Variants in SMAD2 observed in about 807,000 individuals in gnomAD.
The protein encoded by SMAD2 is MAD homolog 2.
In SMAD2, 8 loss-of-function variants were observed where a neutral mutation model predicts 64.4. The ratio of observed to expected loss-of-function variants is 0.12; its 90% CI spans 0.07 to 0.22. The LOEUF (loss-of-function observed/expected upper bound fraction) is 0.22, where lower values mean the gene tolerates loss of function less well. SMAD2 is among the 10% of genes least tolerant of loss of function. SMAD2 has a pLI of 1.00. For synonymous variants in SMAD2, 203 were observed against 195.8 expected (o/e 1.04, Z -0.31); for missense variants, 289 against 561.2 (o/e 0.51, Z 4.90).
intron 2 of SMAD2, among the ~76,000 whole-genome samples, chr18:47,872,421 TACA>T (rs1196518708): frequency 6.6e-6 from 1 of 152,046 alleles, no homozygotes; most frequent in African/African-American, 2.4e-5. Context: ...AACTAAAAAA[TACA>T]ACAATTGAAA....
At chr18:47,894,240 A>G (rs191431386) in intron 2 of SMAD2, among the ~76,000 whole-genome samples, 185 of 152,308 alleles carry the variant, frequency 1.2e-3, no homozygotes, top group African/African-American at 4.2e-3. Flanking sequence ...TCTCTGCTGT[A>G]TCACACAGCT....
At position 47,827,588 on chromosome 18, in the gene SMAD2, C is replaced by G. The variant is rs1358467488; in HGVS notation, c.*14239G>C. On this transcript the variant is annotated 3_prime_UTR_variant, in exon 11 of 11. Coordinates refer to ENST00000262160, the MANE Select transcript of SMAD2 (RefSeq NM_005901.6). ...CTCACTGCAACCTCCCTGCCTGATT[C>G]TCCTGCCTCAGCCTGCCGAGTGCCT... 1 of 154,758 alleles carries G rather than the reference C, an allele frequency of 6.5e-6. No individual in the cohort carries two copies. Among genetic ancestry groups the G allele is most frequent in the Non-Finnish European group, 1.4e-5 (1 of 70,026 alleles). The allele number at this position is 154,758 out of a possible 1,614,324, so 9.6% of individuals were successfully genotyped here.
chr18:47,922,909 C>T (rs186991724), intron 1 of SMAD2, among the ~76,000 whole-genome samples: 5 of 152,330 alleles, frequency 3.3e-5, no homozygotes, highest in Non-Finnish European at 7.3e-5. Flanking sequence ...TGGGTCATGT[C>T]TTTTAAACAA....
At chr18:47,908,547 T>C (rs1209046707) in intron 1 of SMAD2, among the ~76,000 whole-genome samples, 1 of 152,026 alleles carries the variant, frequency 6.6e-6, no homozygotes, top group Non-Finnish European at 1.5e-5. Context: ...CATCATGAAA[T>C]ACAAAAATCT....
At chr18:47,869,497 A>AG in intron 3 of SMAD2, 61 bp from the exon 4 acceptor site, 3 of 1,162,614 alleles carry the variant, frequency 2.6e-6, no homozygotes, top group Non-Finnish European at 2.5e-6. Context: ...AAAAAAGTGC[A>AG]GTCAAATGGG....
chr18:47,886,180 A>G (rs2032890800), intron 2 of SMAD2, among the ~76,000 whole-genome samples: 1 of 152,238 alleles, frequency 6.6e-6, no homozygotes, highest in Non-Finnish European at 1.5e-5. Context: ...CAGTTTTATA[A>G]TGCTTGACTT....
At chr18:47,919,469 T>C (rs927720241) in intron 1 of SMAD2, among the ~76,000 whole-genome samples, 34 of 129,972 alleles carry the variant, frequency 2.6e-4, no homozygotes, top group South Asian at 1.6e-3. Context: ...AAAAAAAAAA[T>C]ACACACACAC....
rs964856054 is a variant in SMAD2, at chr18:47,823,066, T to C, written c.*18761A>G. 3.9e-5 allele frequency: 6 copies of C among 152,186 alleles called. No individual in the cohort carries two copies. Among genetic ancestry groups the C allele is most frequent in the African/African-American group, 7.2e-5 (3 of 41,446 alleles). 9.4% of individuals were successfully genotyped at this position (152,186 alleles called of 1,614,324 possible). A position where few individuals can be genotyped will look rare whatever the true frequency, so the allele number is the denominator to read the frequency against. ...CGGCTCTCGTTATAACAGGATACAA[T>C]TGGAAACACTGGTTGTATTACCAAG... On this transcript the variant is annotated 3_prime_UTR_variant, in exon 11 of 11. Transcript: ENST00000262160.
At chr18:47,850,195 A>ATGTATATATATATTATATATAT (rs549810077) in intron 7 of SMAD2, among the ~76,000 whole-genome samples, 1 of 95,666 alleles carries the variant, frequency 1.0e-5, no homozygotes, top group Admixed American at 1.8e-4. Context: ...TATTATATAT[A>ATGTATATATATATTATATATAT]GTATATATAT....
At chr18:47,921,968 A>AGT (rs1257017915) in intron 1 of SMAD2, among the ~76,000 whole-genome samples, 4 of 152,248 alleles carry the variant, frequency 2.6e-5, no homozygotes, top group Non-Finnish European at 5.9e-5. Context: ...CACTGAAGAA[A>AGT]GTATGATCAC....
At chr18:47,852,821 C>G (rs1421369750) in intron 6 of SMAD2, among the ~76,000 whole-genome samples, 4 of 152,108 alleles carry the variant, frequency 2.6e-5, no homozygotes, top group African/African-American at 9.7e-5. Context: ...ATAAGAACCA[C>G]CACAGACAAC....
intron 2 of SMAD2, among the ~76,000 whole-genome samples, chr18:47,885,092 T>G (rs577825386): frequency 6.6e-6 from 1 of 151,676 alleles, no homozygotes; most frequent in East Asian, 1.9e-4. Flanking sequence ...GTACATTTAC[T>G]TTAATAACAT....
At chr18:47,906,941 C>T (rs1242515029) in intron 1 of SMAD2, among the ~76,000 whole-genome samples, 1 of 152,136 alleles carries the variant, frequency 6.6e-6, no homozygotes, top group Non-Finnish European at 1.5e-5. Context: ...AGGATCATCT[C>T]TCCATCTCAA....
At chr18:47,876,990 G>A (rs2032300496) in intron 2 of SMAD2, among the ~76,000 whole-genome samples, 2 of 152,020 alleles carry the variant, frequency 1.3e-5, no homozygotes, top group South Asian at 2.1e-4. Flanking sequence ...TACCAACTTT[G>A]GGCAAAAGGT....
Position 47,821,985 on chromosome 18 carries a change from C to A in SMAD2, c.*19842G>T, listed in dbSNP as rs916079904. On this transcript the variant is annotated 3_prime_UTR_variant, in exon 11 of 11. Transcript: ENST00000262160. Reference sequence around the variant, plus strand: ...TTACCTTTGAGTTTTCCACTTGGGCCTCTGGAAAGCCTCAGAGCATGTGTA... The same window carrying A: ...TTACCTTTGAGTTTTCCACTTGGGCATCTGGAAAGCCTCAGAGCATGTGTA... 1 of 152,094 alleles carries A rather than the reference C, an allele frequency of 6.6e-6. No individual in the cohort carries two copies. Among genetic ancestry groups the A allele is most frequent in the African/African-American group, 2.4e-5 (1 of 41,402 alleles). The allele number at this position is 152,094 out of a possible 1,614,324, so 9.4% of individuals were successfully genotyped here.
At chr18:47,857,067 C>A (rs189255670) in intron 6 of SMAD2, among the ~76,000 whole-genome samples, 1 of 151,912 alleles carries the variant, frequency 6.6e-6, no homozygotes, top group African/African-American at 2.4e-5. Context: ...CCGTTTTAGC[C>A]GGGATGGTCT....
intron 7 of SMAD2, among the ~76,000 whole-genome samples, chr18:47,850,129 A>T (rs1328181311): frequency 7.6e-6 from 1 of 130,980 alleles, no homozygotes; most frequent in East Asian, 2.1e-4. Flanking sequence ...ACTCATGGTT[A>T]TGAAGGGACC....
Position 47,930,532 on chromosome 18 carries a change from GGGCCCGGCCGGC to G in SMAD2, c.-237_-226del, listed in dbSNP as rs1478629658. The stretch of plus-strand genomic sequence containing the variant: ...GTCTTCCCGCCCCGCCCCCAGGCCC[GGGCCCGGCCGGC>G]GGCCCGGGCGCGCGGGAGGGTAGGG... On this transcript the variant is annotated 5_prime_UTR_variant, in exon 1 of 11. Transcript: ENST00000262160. The G allele has an allele frequency of 2.0e-5, 3 of 150,468 alleles. No homozygotes were observed. The highest frequency in any genetic ancestry group is 6.6e-5 in the Admixed American group (1 of 15,186). The allele number at this position is 150,468 out of a possible 1,614,324, so 9.3% of individuals were successfully genotyped here.
intron 2 of SMAD2, among the ~76,000 whole-genome samples, chr18:47,873,622 G>A (rs1277751800): frequency 1.3e-5 from 2 of 152,104 alleles, no homozygotes; most frequent in Non-Finnish European, 2.9e-5. Context: ...TCCAGTAATG[G>A]CAGAGCAGCC....
Sources: allele counts gnomAD v4.1 joint callset (sites outside exome capture counted in the v4.1 genomes callset), GRCh38; gene constraint gnomAD v4.1.1; transcripts MANE v1.5; gene names NCBI Gene and HGNC (gene_info 2026-07-23, HGNC 2026-07-21).